Variants in CRYM observed in about 807,000 individuals in gnomAD.
CRYM encodes crystallin mu.
Under a neutral mutation model 32.9 loss-of-function variants are expected in CRYM, and 18 were observed. The ratio of observed to expected loss-of-function variants is 0.55; its 90% CI spans 0.38 to 0.81. CRYM has a LOEUF of 0.81. Ranked by LOEUF, CRYM falls within the 30% of genes least tolerant of loss-of-function variation. The probability of loss-of-function intolerance (pLI) is 0.00; values close to 1 mark genes in which losing one functional copy is unlikely to be tolerated. For synonymous variants in CRYM, 153 were observed against 152.4 expected, an observed-to-expected ratio of 1.00 and a Z score of -0.03; for missense variants, 337 against 393.5, an observed-to-expected ratio of 0.86 and a Z score of 1.21.
chr16:21,301,543 G>A (rs1467233241), intron 1 of CRYM, among the ~76,000 whole-genome samples: 1 of 152,210 alleles, frequency 6.6e-6, no homozygotes, highest in Non-Finnish European at 1.5e-5. Context: ...GCAACAGGTG[G>A]GGCGCACTGG....
At chr16:21,302,729 A>G (rs1171762717) in intron 1 of CRYM, among the ~76,000 whole-genome samples, 8 of 152,188 alleles carry the variant, frequency 5.3e-5, no homozygotes, top group African/African-American at 1.7e-4. Context: ...ACTGGGAGAT[A>G]GGGGGACCGT....
intron 7 of CRYM, among the ~76,000 whole-genome samples, chr16:21,260,389 T>G (rs887560503): frequency 6.6e-6 from 1 of 152,162 alleles, no homozygotes; most frequent in Non-Finnish European, 1.5e-5. Context: ...AACCTCCACC[T>G]TCCGGGTTCA....
chr16:21,274,413 T>C (rs1482919149), intron 3 of CRYM, among the ~76,000 whole-genome samples: 2 of 152,200 alleles, frequency 1.3e-5, no homozygotes, highest in African/African-American at 4.8e-5. Flanking sequence ...GCTTCTCCAA[T>C]ACTCTCACTT....
chr16:21,267,675 C>G lies in CRYM; in HGVS notation c.552G>C (p.Glu184Asp). 1 of 1,614,232 alleles carries G rather than the reference C, an allele frequency of 6.2e-7. No individual in the cohort carries two copies. The highest frequency in any genetic ancestry group is 8.5e-7 in the Non-Finnish European group (1 of 1,180,042). Reference sequence around the variant, plus strand: ...CCTGGACCGAAGAACAGACCCGTACCTCTCCTTGCACTGTGTCTGCAAACT... The same window carrying G: ...CCTGGACCGAAGAACAGACCCGTACGTCTCCTTGCACTGTGTCTGCAAACT... The part of the protein sequence containing the change: ...AEKFADTVQG[E>D]VRVCSSVQEA... The change falls in exon 5 of 8, where the codon GAG becomes GAC. Residue 184 changes from glutamate to aspartate, a missense_variant. Glu to Asp is a conservative substitution (Grantham distance 45). Transcript: ENST00000572914.
upstream of CRYM, among the ~76,000 whole-genome samples, chr16:21,281,894 T>C (rs2093398793): frequency 1.3e-5 from 2 of 152,224 alleles, no homozygotes; most frequent in African/African-American, 2.4e-5. Context: ...GTTGAATATG[T>C]ATATTTAGCC....
intron 3 of CRYM, among the ~76,000 whole-genome samples, chr16:21,270,193 C>T (rs999919127): frequency 6.6e-6 from 1 of 152,220 alleles, no homozygotes; most frequent in African/African-American, 2.4e-5. Flanking sequence ...GATGAAGAGA[C>T]TGAGGTTGCC....
At position 21,261,283 on chromosome 16, in the gene CRYM, C is replaced by G. The variant is rs1381145862; in HGVS notation, c.851G>C (p.Cys284Ser). 6.2e-6 allele frequency: 10 copies of G among 1,614,058 alleles called. No homozygotes were observed. The highest frequency in any genetic ancestry group is 8.5e-6 in the Non-Finnish European group (10 of 1,180,008). Residue 284 changes from cysteine (C) to serine (S), a missense_variant, in exon 7 of 8, where the codon TGT (cysteine) becomes TCT (serine). Coordinates refer to ENST00000572914, the MANE Select transcript of CRYM (RefSeq NM_001376256.1). ...EVIKGVKPAH[C>S]EKTTVFKSLG... ...AGACTTGAACACGGTGGTCTTCTCACAGTGGGCTGGTTTCACTCCCTTAAT... is the reference window on the plus strand; with the variant it reads ...AGACTTGAACACGGTGGTCTTCTCAGAGTGGGCTGGTTTCACTCCCTTAAT...
At position 21,269,455 on chromosome 16, in the gene CRYM, G is replaced by T. The variant is rs1474650310; in HGVS notation, c.489+335C>A. On this transcript the variant is annotated intron_variant, in intron 4 of 7. Coordinates refer to ENST00000572914, the MANE Select transcript of CRYM (RefSeq NM_001376256.1). Reference sequence around the variant, plus strand: ...TAACCTTGAATACTTAAAAACTCTGGATTCTCCTAAGAAAAACATAATAGA... The same window carrying T: ...TAACCTTGAATACTTAAAAACTCTGTATTCTCCTAAGAAAAACATAATAGA... 2.6e-5 allele frequency among the ~76,000 whole-genome samples: 4 copies of T among 152,248 alleles called. No individual in the cohort carries two copies. The East Asian group carries it at 7.7e-4, about 29-fold the overall frequency.
In CRYM at chr16:21,277,494, C is replaced by T. The variant is rs747501658; in HGVS notation, c.261G>A (p.Ser87=). The change falls in exon 2 of 8, where the codon TCG becomes TCA. Residue 87 remains serine, a synonymous_variant. Transcript: ENST00000572914. The surrounding 1 kb of genome is among the most constrained non-coding windows in gnomAD (Gnocchi z 4.2). ...VTFYEDRGIT[S]VVPSHQATVL... is the part of the protein sequence containing the mutation. ...CAGTAGCCTGGTGGGAAGGGACGAC[C>T]GAGGTGATGCCGCGGTCCTCGTAGA... 6.8e-6 allele frequency: 11 copies of T among 1,613,844 alleles called. 1 individual carries two copies. Among genetic ancestry groups the T allele is most frequent in the East Asian group, 2.2e-5 (1 of 44,880 alleles).
At chr16:21,268,718 G>A (rs771730948) in intron 4 of CRYM, 1 of 152,084 alleles carries the variant, frequency 6.6e-6, no homozygotes, top group Non-Finnish European at 1.5e-5. Flanking sequence ...CAGTAAGAGA[G>A]GATATAAAAT....
chr16:21,284,378 A>G (rs2093404009), intron 1 of CRYM, among the ~76,000 whole-genome samples: 1 of 152,080 alleles, frequency 6.6e-6, no homozygotes, highest in South Asian at 2.1e-4. Context: ...CAGTTCCCTG[A>G]CTTTTAGTAT....
In CRYM at chr16:21,277,539, C is replaced by G. The variant is rs192596991; in HGVS notation, c.216G>C (p.Leu72=). Residue 72 remains leucine, a synonymous_variant, in exon 2 of 8, where the codon CTG becomes CTC. Coordinates refer to ENST00000572914, the MANE Select transcript of CRYM (RefSeq NM_001376256.1). The surrounding 1 kb of genome is among the most constrained non-coding windows in gnomAD (Gnocchi z 4.2). ...CGTAGAAGGTGACCAACTTGGTGGTCAGTGCATCCTCTGCAGCACTGTAGG... is the reference window on the plus strand; with the variant it reads ...CGTAGAAGGTGACCAACTTGGTGGTGAGTGCATCCTCTGCAGCACTGTAGG... ...MPAYSAAEDA[L]TTKLVTFYED... 2.5e-6 allele frequency: 4 copies of G among 1,613,960 alleles called. No homozygotes were observed. The African/African-American group carries it at 5.3e-5, about 22-fold the overall frequency.
At chr16:21,301,976 C>T (rs923785892) in intron 1 of CRYM, among the ~76,000 whole-genome samples, 5 of 152,222 alleles carry the variant, frequency 3.3e-5, no homozygotes, top group African/African-American at 1.2e-4. Context: ...GAGGCCCACC[C>T]GCTAGCCGCG....
chr16:21,267,459 A>G lies in CRYM; in HGVS notation c.673+95T>C. ...CCCTTAAATAGCTTGGGCATTCTGC[A>G]TGAATAAACTGGCTCTGCAAATGTA... is the stretch of plus-strand genomic sequence containing the variant. On this transcript the variant is annotated intron_variant, in intron 5 of 7. Transcript: ENST00000572914. 8.4e-6 allele frequency: 11 copies of G among 1,307,608 alleles called. No homozygotes were observed. In the South Asian group the frequency reaches 1.2e-4, roughly 14 times the overall value. 81.0% of individuals were successfully genotyped at this position (1,307,608 alleles called of 1,614,324 possible).
chr16:21,298,658 A>T (rs768286607), intron 1 of CRYM, among the ~76,000 whole-genome samples: 1 of 152,248 alleles, frequency 6.6e-6, no homozygotes, highest in African/African-American at 2.4e-5. Context: ...TCAAATAACA[A>T]TAAAAGCAAT....
Position 21,263,562 on chromosome 16 carries a change from A to AAC in CRYM, c.674-1405_674-1404insGT, listed in dbSNP as rs1567231536. ...CTCTTAACTCATGACAAAAGAAAAA[A>AAC]AACAACAACAACAAAAACTCAGTGT... On this transcript the variant is annotated intron_variant, in intron 5 of 7. Coordinates refer to ENST00000572914, the MANE Select transcript of CRYM (RefSeq NM_001376256.1). Among the ~76,000 whole-genome samples, 3 of 152,184 alleles carry AAC rather than the reference A, an allele frequency of 2.0e-5. No homozygotes were observed. In the East Asian group the frequency reaches 5.8e-4, roughly 29 times the overall value.
At chr16:21,286,861 C>T (rs1276858277) in intron 1 of CRYM, among the ~76,000 whole-genome samples, 5 of 151,942 alleles carry the variant, frequency 3.3e-5, no homozygotes, top group South Asian at 4.2e-4. Flanking sequence ...GAGGCCAAGG[C>T]GGGTGGATCA....
At chr16:21,270,500 T>C (rs528271400) in intron 3 of CRYM, among the ~76,000 whole-genome samples, 1 of 152,218 alleles carries the variant, frequency 6.6e-6, no homozygotes, top group South Asian at 2.1e-4. Flanking sequence ...GCCAGGCTGG[T>C]CTCAAACTCC....
intron 4 of CRYM, 50 bp downstream of exon 4, chr16:21,269,740 C>G (rs766902848): frequency 6.0e-6 from 7 of 1,169,682 alleles, no homozygotes; most frequent in Non-Finnish European, 8.9e-6. Flanking sequence ...ATAGACAGGT[C>G]AAGGACCACC....
Sources: allele counts gnomAD v4.1 joint callset (sites outside exome capture counted in the v4.1 genomes callset), GRCh38; gene constraint gnomAD v4.1.1; non-coding constraint Gnocchi (gnomAD v3.1); transcripts MANE v1.5; gene names NCBI Gene and HGNC (gene_info 2026-07-23, HGNC 2026-07-21).